TMEM106A: variants seen among roughly 807,000 people sequenced by gnomAD.
TMEM106A encodes transmembrane protein 106A.
Under a neutral mutation model 25.1 loss-of-function variants are expected in TMEM106A, and 22 were observed. The ratio of observed to expected loss-of-function variants is 0.88; its 90% CI spans 0.63 to 1.25. The LOEUF (loss-of-function observed/expected upper bound fraction) is 1.25. Among genes scored for constraint, TMEM106A ranks in the 50% most tolerant of loss-of-function variants. The pLI is 0.00. For synonymous variants in TMEM106A, 104 were observed against 129.9 expected (o/e 0.80, Z 1.35); for missense variants, 275 against 318.1 (o/e 0.86, Z 1.03).
chr17:43,213,146 C>T lies in TMEM106A; in HGVS notation c.105C>T (p.Ser35=). 3 of 1,614,244 alleles carry T rather than the reference C, an allele frequency of 1.9e-6. No individual in the cohort carries two copies. The highest frequency in any genetic ancestry group is 3.3e-4 in the Middle Eastern group (2 of 6,062). ...GCAGCAAGGCTGTCAACTACTCCAG[C>T]ACCGGTAGCAGCAAGTCTTTTTGTT... ...AIGSKAVNYS[S]TGSSKSFCSC... The change falls in exon 3 of 9, where the codon AGC becomes AGT. Residue 35 remains serine (S), a synonymous_variant. Coordinates refer to ENST00000612339, the MANE Select transcript of TMEM106A (RefSeq NM_145041.4).
chr17:43,216,663 G>A (rs1265898854), intron 6 of TMEM106A, 34 bp from the exon 7 acceptor site: 1 of 1,614,214 alleles, frequency 6.2e-7, no homozygotes, highest in Admixed American at 1.7e-5. Flanking sequence ...GGCAGCTGGA[G>A]TTGGGGCTAA....
rs558003051 is a variant in TMEM106A, at chr17:43,212,138, C to G, written c.-189-89C>G. ...ACCCGGTCGGCCCATGGCAGAGCCC[C>G]CATGTAGCCCAGGAATCGGCTTGGC... On this transcript the variant is annotated intron_variant, in intron 1 of 8. Transcript: ENST00000612339. 6.5e-5 allele frequency: 10 copies of G among 152,722 alleles called. No individual in the cohort carries two copies. The East Asian group carries it at 1.7e-3, about 26-fold the overall frequency. The allele number at this position is 152,722 out of a possible 1,614,324, so 9.5% of individuals were successfully genotyped here. A position where few individuals can be genotyped will look rare whatever the true frequency, so the allele number is the denominator to read the frequency against.
chr17:43,213,177 G>A lies in TMEM106A; in HGVS notation c.136G>A (p.Val46Met), dbSNP rs111480047. Reference sequence around the variant, plus strand: ...TAGCAGCAAGTCTTTTTGTTCCTGTGTGCCTTGTGAAGGAACTGCTGATGC... The same window carrying A: ...TAGCAGCAAGTCTTTTTGTTCCTGTATGCCTTGTGAAGGAACTGCTGATGC... ...TGSSKSFCSC[V>M]PCEGTADASF... is the part of the protein sequence containing the mutation. Residue 46 changes from valine to methionine, a missense_variant, in exon 3 of 9, where the codon GTG becomes ATG. By Grantham distance (21) the Val-to-Met change is conservative (BLOSUM62 1). Coordinates refer to ENST00000612339, the MANE Select transcript of TMEM106A (RefSeq NM_145041.4). 2.3e-3 allele frequency: 3,636 copies of A among 1,614,214 alleles called. 46 individuals carry two copies. The African/African-American group carries it at 0.031, about 14-fold the overall frequency.
At position 43,216,691 on chromosome 17, in the gene TMEM106A, T is replaced by C; in HGVS notation, c.571-6T>C. Reference sequence around the variant, plus strand: ...GGGGCTAACCCTGTGCCCATTTGGTTGACAGATGTTTTACGCAGTAGCTAC... The same window carrying C: ...GGGGCTAACCCTGTGCCCATTTGGTCGACAGATGTTTTACGCAGTAGCTAC... On this transcript the variant is annotated splice_region_variant and splice_polypyrimidine_tract_variant and intron_variant, in intron 6 of 8. Coordinates refer to ENST00000612339, the MANE Select transcript of TMEM106A (RefSeq NM_145041.4). The C allele has an allele frequency of 6.2e-7, 1 of 1,614,158 alleles. No homozygotes were observed. Among genetic ancestry groups the C allele is most frequent in the Non-Finnish European group, 8.5e-7 (1 of 1,179,996 alleles).
intron 3 of TMEM106A, among the ~76,000 whole-genome samples, chr17:43,213,453 T>C (rs1399034045): frequency 6.6e-6 from 1 of 152,232 alleles, no homozygotes; most frequent in Non-Finnish European, 1.5e-5. Context: ...CCTGGTTGTA[T>C]TCTCCAGCCC....
At chr17:43,216,395 T>G in intron 5 of TMEM106A, 54 bp from the exon 6 acceptor site, 1 of 1,600,418 alleles carries the variant, frequency 6.2e-7, no homozygotes, top group South Asian at 1.1e-5. Context: ...ACTGTTTGGC[T>G]TTTCCTAAGG....
rs1461610252 is a variant in TMEM106A, at chr17:43,219,730, C to G, written c.*1929C>G. ...CTGGGCAACAAGGGCGAGACTCTGTCTCAAAAAAAAAAAAAAAAAAAGATG... is the reference window on the plus strand; with the variant it reads ...CTGGGCAACAAGGGCGAGACTCTGTGTCAAAAAAAAAAAAAAAAAAAGATG... On this transcript the variant is annotated 3_prime_UTR_variant, in exon 9 of 9. Transcript: ENST00000612339. The G allele has an allele frequency of 5.6e-5, 3 of 54,022 alleles. No homozygotes were observed. The highest frequency in any genetic ancestry group is 1.1e-4 in the Non-Finnish European group (2 of 18,012). 3.3% of individuals were successfully genotyped at this position (54,022 alleles called of 1,614,324 possible).
In TMEM106A at chr17:43,213,250, A is replaced by C. The variant is rs763580188; in HGVS notation, c.209A>C (p.Gln70Pro). ...PTCQGSGKIPQELEKQLVALI... is the reference protein window; with the variant it reads ...PTCQGSGKIPPELEKQLVALI... ...TGCCAGGGCAGTGGCAAGATTCCCC[A>C]AGGTGAGTGGCCCAAGGCTCTGGAA... Residue 70 changes from glutamine (Q) to proline (P), a missense_variant and splice_region_variant, in exon 3 of 9, where the codon CAA becomes CCA. Gln to Pro is a moderately conservative substitution (Grantham distance 76). Coordinates refer to ENST00000612339, the MANE Select transcript of TMEM106A (RefSeq NM_145041.4). 16 of 1,613,976 alleles carry C rather than the reference A, an allele frequency of 9.9e-6. No homozygotes were observed. The highest frequency in any genetic ancestry group is 2.5e-6 in the Non-Finnish European group (3 of 1,180,012).
Position 43,213,077 on chromosome 17 carries a change from G to A in TMEM106A, c.36G>A (p.Arg12=), listed in dbSNP as rs745730047. ...CGTTTTCCCAGCTGGGCTCTTGGCG[G>A]GAGGATGAGAACAAGTCAATCCTGT... The part of the protein sequence containing the change: ...GKTFSQLGSW[R]EDENKSILSS... Residue 12 remains arginine, a synonymous_variant, in exon 3 of 9, where the codon CGG becomes CGA. Coordinates refer to ENST00000612339, the MANE Select transcript of TMEM106A (RefSeq NM_145041.4). 1.2e-5 allele frequency: 19 copies of A among 1,614,090 alleles called. No individual in the cohort carries two copies. Among genetic ancestry groups the A allele is most frequent in the Non-Finnish European group, 1.5e-5 (18 of 1,180,056 alleles).
intron 4 of TMEM106A, among the ~76,000 whole-genome samples, chr17:43,215,311 A>G (rs951765664): frequency 3.3e-5 from 5 of 152,200 alleles, no homozygotes; most frequent in African/African-American, 1.2e-4. Flanking sequence ...TATCTCTTTA[A>G]TGCATATCTG....
At chr17:43,214,040 A>G (rs1368831347) in intron 4 of TMEM106A, 149 bp downstream of exon 4, 2 of 789,982 alleles carry the variant, frequency 2.5e-6, no homozygotes, top group Non-Finnish European at 2.0e-6. Context: ...CTTACGTCCA[A>G]GGATTTTTTC....
chr17:43,212,891 A>G (rs3803871), intron 2 of TMEM106A, 130 bp from the exon 3 acceptor site: 222,471 of 659,128 alleles, frequency 0.34, 39,392 homozygotes, highest in South Asian at 0.5. Context: ...TTCACATCCT[A>G]TCTTCCTTAG....
chr17:43,215,902 A>G lies in TMEM106A; in HGVS notation c.390A>G (p.Thr130=). ...AGCCTGCAGGCCTCAACTCCTCCAC[A>G]GTGGCCTTTGATGAGGCTGATATCT... ...IVQPAGLNSS[T]VAFDEADIYL... Residue 130 remains threonine (T), a synonymous_variant, in exon 5 of 9, where the codon ACA becomes ACG. Coordinates refer to ENST00000612339, the MANE Select transcript of TMEM106A (RefSeq NM_145041.4). 1 of 1,613,988 alleles carries G rather than the reference A, an allele frequency of 6.2e-7. No individual in the cohort carries two copies. The highest frequency in any genetic ancestry group is 8.5e-7 in the Non-Finnish European group (1 of 1,179,986).
chr17:43,215,826 T>C lies in TMEM106A; in HGVS notation c.314T>C (p.Val105Ala). ...FVFLAVLICL[V>A]TSSFIVFFLF... ...TTCCTGGCCGTGCTCATCTGCCTGG[T>C]GACCTCCTCCTTCATCGTCTTTTTC... Residue 105 changes from valine to alanine, a missense_variant, in exon 5 of 9, where the codon GTG (valine) becomes GCG (alanine). Val to Ala is a moderately conservative substitution (Grantham distance 64). Transcript: ENST00000612339. 1.2e-6 allele frequency: 2 copies of C among 1,614,124 alleles called. No homozygotes were observed. Among genetic ancestry groups the C allele is most frequent in the Non-Finnish European group, 1.7e-6 (2 of 1,180,030 alleles).
At chr17:43,215,447 T>A (rs1320898310) in intron 4 of TMEM106A, among the ~76,000 whole-genome samples, 1 of 152,072 alleles carries the variant, frequency 6.6e-6, no homozygotes, top group Non-Finnish European at 1.5e-5. Flanking sequence ...CAGGGACCTG[T>A]GATTAGTATT....
In TMEM106A at chr17:43,215,957, T is replaced by G; in HGVS notation, c.429+16T>G. The G allele has an allele frequency of 6.2e-7, 1 of 1,613,776 alleles. No individual in the cohort carries two copies. The highest frequency in any genetic ancestry group is 8.5e-7 in the Non-Finnish European group (1 of 1,179,802). ...CAACATAACGGTGGGTGGGTGCCCT[T>G]GGCTCCAAACCCCCCTTCCTAGCAA... On this transcript the variant is annotated intron_variant, in intron 5 of 8. Coordinates refer to ENST00000612339, the MANE Select transcript of TMEM106A (RefSeq NM_145041.4).
At chr17:43,213,957 C>T in intron 4 of TMEM106A, 66 bp downstream of exon 4, 1 of 1,533,364 alleles carries the variant, frequency 6.5e-7, no homozygotes, top group South Asian at 1.1e-5. Context: ...CTTTGTCTCC[C>T]CTGTTTTGAT....
chr17:43,219,965 A>AGCT lies in TMEM106A; in HGVS notation c.*2169_*2171dup, dbSNP rs1161178473. 1.9e-4 allele frequency: 29 copies of AGCT among 152,258 alleles called. No individual in the cohort carries two copies. The highest frequency in any genetic ancestry group is 1.9e-3 in the Admixed American group (29 of 15,258). 9.4% of individuals were successfully genotyped at this position (152,258 alleles called of 1,614,324 possible). A position where few individuals can be genotyped will look rare whatever the true frequency, so the allele number is the denominator to read the frequency against. On this transcript the variant is annotated 3_prime_UTR_variant, in exon 9 of 9. Transcript: ENST00000612339. The stretch of plus-strand genomic sequence containing the variant: ...CAAAAGTCCAGGGAAGCCAGGCTGG[A>AGCT]GCTGCTGTGTATAGACTGCCAAATG...
rs1169930576 is a variant in TMEM106A, at chr17:43,214,206, GA to G, written c.275+326del. ...TCTCTATCAAAAAAAAAAAAAAAAAGAAAAAAAAAAAGAAAAGAAAGAAAGA... is the reference window on the plus strand; with the variant it reads ...TCTCTATCAAAAAAAAAAAAAAAAAGAAAAAAAAAAGAAAAGAAAGAAAGA... On this transcript the variant is annotated intron_variant, in intron 4 of 8. Transcript: ENST00000612339. 2.8e-3 allele frequency among the ~76,000 whole-genome samples: 350 copies of G among 127,238 alleles called. 1 individual carries two copies. The highest frequency in any genetic ancestry group is 0.013 in the South Asian group (53 of 4,130). The allele number at this position is 127,238 out of a possible 152,430, so 83.5% of individuals were successfully genotyped here. A position where few individuals can be genotyped will look rare whatever the true frequency, so the allele number is the denominator to read the frequency against.
Sources: allele counts gnomAD v4.1 joint callset (sites outside exome capture counted in the v4.1 genomes callset), GRCh38; gene constraint gnomAD v4.1.1; transcripts MANE v1.5; gene names NCBI Gene and HGNC (gene_info 2026-07-23, HGNC 2026-07-21).